The following DSCAM variants were observed in gnomAD, a reference collection of about 807,000 sequenced individuals.
DSCAM encodes DS cell adhesion molecule.
Under a neutral mutation model 217.7 loss-of-function variants are expected in DSCAM, and 47 were observed. The ratio of observed to expected loss-of-function variants is 0.22; its 90% CI spans 0.17 to 0.28. The LOEUF (loss-of-function observed/expected upper bound fraction) is 0.28. Ranked by LOEUF, DSCAM falls within the 10% of genes least tolerant of loss-of-function variation. The pLI, the probability that DSCAM is intolerant of heterozygous loss-of-function variation, is 1.00. For missense variants in DSCAM, 2,080 were observed against 2,618.3 expected (o/e 0.79, Z 4.49); for synonymous variants, 1,056 against 1,015.3 (o/e 1.04, Z -0.76).
chr21:40,543,200 C>T (rs770940980), intron 3 of DSCAM, among the ~76,000 whole-genome samples: 7 of 152,200 alleles, frequency 4.6e-5, no homozygotes, highest in Non-Finnish European at 1.0e-4. Context: ...CAGTGTGTGT[C>T]TAAATGCCAT....
At chr21:40,821,115 TATATAGATATATATATCTTCAC>T (rs1171154737) in intron 1 of DSCAM, among the ~76,000 whole-genome samples, 2 of 105,950 alleles carry the variant, frequency 1.9e-5, no homozygotes, top group African/African-American at 7.4e-5. Flanking sequence ...TCTTCACATA[TATATAGATATATATATCTTCAC>T]ATATATATAT....
chr21:40,823,275 C>T (rs2091943991), intron 1 of DSCAM, among the ~76,000 whole-genome samples: 1 of 149,148 alleles, frequency 6.7e-6, no homozygotes, highest in East Asian at 2.0e-4. Context: ...GACAAGGAGG[C>T]CAAAAACAGA....
At chr21:40,720,331 GTT>G (rs982606897) in intron 1 of DSCAM, among the ~76,000 whole-genome samples, 2 of 152,100 alleles carry the variant, frequency 1.3e-5, no homozygotes, top group African/African-American at 4.8e-5. Flanking sequence ...CTCCAAAATG[GTT>G]TTTTCTTTGG....
intron 2 of DSCAM, among the ~76,000 whole-genome samples, chr21:40,703,582 T>C (rs1007958042): frequency 1.3e-5 from 2 of 152,126 alleles, no homozygotes. Flanking sequence ...AAAAATCCTG[T>C]CTACTGTCAT....
chr21:40,063,993 C>T (rs1396515944), intron 27 of DSCAM, among the ~76,000 whole-genome samples: 2 of 152,132 alleles, frequency 1.3e-5, no homozygotes, highest in Non-Finnish European at 2.9e-5. Flanking sequence ...ACTCCACCCA[C>T]ACAGCAAAGA....
chr21:40,187,326 A>G lies in DSCAM; in HGVS notation c.2651-67T>C, dbSNP rs73364129. ...GCTCTGACATAAAACGCTAGTGGAA[A>G]TGCTGAGCGTGACTCACAAACGATT... On this transcript the variant is annotated intron_variant, in intron 13 of 32. Transcript: ENST00000400454. 2,864 of 1,584,092 alleles carry G rather than the reference A, an allele frequency of 1.8e-3. 46 individuals carry two copies. The African/African-American group carries it at 0.034, about 19-fold the overall frequency.
chr21:40,430,618 C>CTA (rs561865610), intron 3 of DSCAM, among the ~76,000 whole-genome samples: 143 of 152,260 alleles, frequency 9.4e-4, no homozygotes, highest in Non-Finnish European at 1.3e-3. Flanking sequence ...ATAAACTCCC[C>CTA]TATATATATA....
At chr21:40,273,774 C>T (rs947933947) in intron 11 of DSCAM, among the ~76,000 whole-genome samples, 7 of 152,292 alleles carry the variant, frequency 4.6e-5, no homozygotes, top group Non-Finnish European at 7.4e-5. Flanking sequence ...CTAGCATCCT[C>T]CTCCAGGTTG....
intron 16 of DSCAM, among the ~76,000 whole-genome samples, chr21:40,161,433 C>T (rs2090540630): frequency 6.6e-6 from 1 of 151,946 alleles, no homozygotes; most frequent in Non-Finnish European, 1.5e-5. Flanking sequence ...AAAAGCACCA[C>T]CTCTTGATAT....
intron 32 of DSCAM, among the ~76,000 whole-genome samples, chr21:40,031,567 A>G (rs2088524963): frequency 6.6e-6 from 1 of 152,168 alleles, no homozygotes; most frequent in African/African-American, 2.4e-5. Flanking sequence ...GAGACAGGCA[A>G]ATCTTGAGAA....
At chr21:40,229,061 A>G (rs1170796147) in intron 11 of DSCAM, among the ~76,000 whole-genome samples, 1 of 152,196 alleles carries the variant, frequency 6.6e-6, no homozygotes, top group Non-Finnish European at 1.5e-5. Flanking sequence ...CATGGTGAGA[A>G]ACCCAACTCC....
intron 9 of DSCAM, among the ~76,000 whole-genome samples, chr21:40,305,372 A>C (rs2074061246): frequency 6.8e-6 from 1 of 147,824 alleles, no homozygotes; most frequent in African/African-American, 2.6e-5. Flanking sequence ...CCTGGGTGAC[A>C]GAGCAAGATC....
chr21:40,284,323 T>C (rs911581463), intron 10 of DSCAM, among the ~76,000 whole-genome samples: 3 of 152,180 alleles, frequency 2.0e-5, no homozygotes, highest in Admixed American at 1.3e-4. Flanking sequence ...TTCCAATCCC[T>C]GAGAAAGAAG....
At chr21:40,308,087 A>G (rs2074099298) in intron 9 of DSCAM, among the ~76,000 whole-genome samples, 1 of 152,222 alleles carries the variant, frequency 6.6e-6, no homozygotes, top group East Asian at 1.9e-4. Context: ...GAATAATAAT[A>G]AAATAAAATA....
chr21:40,157,690 CTTTTTTCTTTT>C (rs1299756658), intron 16 of DSCAM, among the ~76,000 whole-genome samples: 15 of 69,308 alleles, frequency 2.2e-4, no homozygotes, highest in Admixed American at 2.1e-3. Flanking sequence ...CTTTCCTTTT[CTTTTTTCTTTT>C]TTTTTTTTTT....
chr21:40,270,520 A>G (rs572453541), intron 11 of DSCAM, among the ~76,000 whole-genome samples: 85 of 152,288 alleles, frequency 5.6e-4, no homozygotes, highest in African/African-American at 1.9e-3. Context: ...CTCATATTCT[A>G]TTTCAGGCAC....
Position 40,189,060 on chromosome 21 carries a change from C to G in DSCAM, c.2535G>C (p.Glu845Asp), listed in dbSNP as rs376233969. 21 of 1,614,006 alleles carry G rather than the reference C, an allele frequency of 1.3e-5. No individual in the cohort carries two copies. Among genetic ancestry groups the G allele is most frequent in the African/African-American group, 6.7e-5 (5 of 74,896 alleles). Residue 845 changes from glutamate (E) to aspartate (D), a missense_variant, in exon 12 of 33, where the codon GAG becomes GAC. Around this residue, in one of 5 missense-constraint regions of DSCAM, gnomAD observed 1,144 missense variants for 1,421.1 expected, o/e 0.81. Transcript: ENST00000400454. ...YLVSTKEVGE[E>D]VISTLQILPT... ...CTTTTACCTGCAGAGTAGAAATCAC[C>G]TCTTCTCCCACCTCCTTGGTGGACA... is the stretch of plus-strand genomic sequence containing the variant.
intron 11 of DSCAM, among the ~76,000 whole-genome samples, chr21:40,240,674 C>G (rs2073140740): frequency 6.6e-6 from 1 of 152,114 alleles, no homozygotes; most frequent in African/African-American, 2.4e-5. Flanking sequence ...CTCCAATGCC[C>G]CCTCCTTTGT....
At chr21:40,245,154 T>C (rs1005351669) in intron 11 of DSCAM, among the ~76,000 whole-genome samples, 2 of 152,242 alleles carry the variant, frequency 1.3e-5, no homozygotes, top group African/African-American at 4.8e-5. Context: ...GCACAATTTA[T>C]TGGCACTTGT....
Sources: allele counts gnomAD v4.1 joint callset (sites outside exome capture counted in the v4.1 genomes callset), GRCh38; gene constraint gnomAD v4.1.1; regional missense constraint gnomAD v4.1.1; transcripts MANE v1.5; gene names NCBI Gene and HGNC (gene_info 2026-07-23, HGNC 2026-07-21).